ATRNL1: variants seen among roughly 807,000 people sequenced by gnomAD.
ATRNL1 encodes the protein attractin like 1.
Under a neutral mutation model 182.7 loss-of-function variants are expected in ATRNL1, and 95 were observed. The ratio of observed to expected loss-of-function variants is 0.52; its 90% confidence interval spans 0.44 to 0.62. The LOEUF is 0.62. Ranked by LOEUF, ATRNL1 falls within the 20% of genes least tolerant of loss-of-function variation. ATRNL1 has a pLI of 0.00. For missense variants in ATRNL1, 1,471 were observed against 1,679.5 expected (o/e 0.88, Z 2.17); for synonymous variants, 576 against 568.3 (o/e 1.01, Z -0.19).
At chr10:115,832,775 T>C (rs1425013214) in intron 27 of ATRNL1, among the ~76,000 whole-genome samples, 1 of 152,182 alleles carries the variant, frequency 6.6e-6, no homozygotes, top group African/African-American at 2.4e-5. Context: ...CTGTCCTTGC[T>C]TGCTTGCTTC....
intron 24 of ATRNL1, among the ~76,000 whole-genome samples, chr10:115,492,153 G>T (rs143328304): frequency 0.064 from 9,742 of 152,194 alleles, 422 homozygotes; most frequent in Admixed American, 0.09. Flanking sequence ...TGTCAATCTC[G>T]CTGGGAGCTG....
At chr10:115,114,964 A>ACC (rs2143568418) in intron 1 of ATRNL1, among the ~76,000 whole-genome samples, 1 of 152,264 alleles carries the variant, frequency 6.6e-6, no homozygotes, top group South Asian at 2.1e-4. Flanking sequence ...ATAATAGCCA[A>ACC]TATTGGGAAA....
chr10:115,126,351 C>T (rs782628777), intron 3 of ATRNL1, among the ~76,000 whole-genome samples: 64 of 152,212 alleles, frequency 4.2e-4, no homozygotes, highest in Non-Finnish European at 8.4e-4. Flanking sequence ...AGCCACTGCG[C>T]CTGGCCCAGA....
chr10:115,403,066 T>C (rs528643140), intron 20 of ATRNL1, among the ~76,000 whole-genome samples: 1 of 152,270 alleles, frequency 6.6e-6, no homozygotes, highest in Non-Finnish European at 1.5e-5. Context: ...TTCTCTATCT[T>C]GTTTTATCAA....
At chr10:115,794,364 A>G (rs1949601126) in intron 27 of ATRNL1, among the ~76,000 whole-genome samples, 1 of 152,198 alleles carries the variant, frequency 6.6e-6, no homozygotes, top group Non-Finnish European at 1.5e-5. Context: ...AGCCATCAAA[A>G]TGGAGAAATT....
At chr10:115,435,353 G>A (rs959360534) in intron 21 of ATRNL1, among the ~76,000 whole-genome samples, 7 of 152,114 alleles carry the variant, frequency 4.6e-5, no homozygotes, top group African/African-American at 1.7e-4. Context: ...AATTTGTGCT[G>A]TTATTGAAAG....
chr10:115,386,879 TG>T (rs1204033529), intron 19 of ATRNL1, among the ~76,000 whole-genome samples: 1 of 142,968 alleles, frequency 7.0e-6, no homozygotes, highest in Admixed American at 7.4e-5. Flanking sequence ...GTGTTCTCAT[TG>T]TTCAATTCCC....
At chr10:115,830,454 A>G (rs1464907079) in intron 27 of ATRNL1, among the ~76,000 whole-genome samples, 1 of 152,108 alleles carries the variant, frequency 6.6e-6, no homozygotes, top group Non-Finnish European at 1.5e-5. Flanking sequence ...CATTTATTGA[A>G]TGACTGTCTT....
chr10:115,093,651 A>G lies in ATRNL1; in HGVS notation c.-100A>G. 1 of 1,300,258 alleles carries G rather than the reference A, an allele frequency of 7.7e-7. No individual in the cohort carries two copies. The highest frequency in any genetic ancestry group is 1.3e-5 in the South Asian group (1 of 77,332). The allele number at this position is 1,300,258 out of a possible 1,614,324, so 80.5% of individuals were successfully genotyped here. On this transcript the variant is annotated 5_prime_UTR_variant, in exon 1 of 29. Coordinates refer to ENST00000355044, the MANE Select transcript of ATRNL1 (RefSeq NM_207303.4). The surrounding 1 kb of genome is among the most constrained non-coding windows in gnomAD (Gnocchi z 6.1). ...GACGGGCGCCGGTGAGGAGGAGGAG[A>G]AGCGGCGGCGGAGAGGTTTTCTGCG...
chr10:115,326,735 G>T (rs1854907767), intron 18 of ATRNL1, among the ~76,000 whole-genome samples: 2 of 151,912 alleles, frequency 1.3e-5, no homozygotes, highest in South Asian at 4.2e-4. Context: ...CCAAAACAGA[G>T]ATATAGATCA....
intron 9 of ATRNL1, among the ~76,000 whole-genome samples, chr10:115,239,467 C>T (rs1307643292): frequency 3.9e-5 from 6 of 152,000 alleles, no homozygotes; most frequent in East Asian, 1.9e-4. Context: ...CTCCTGACAT[C>T]GTGATTCGCC....
chr10:115,583,042 G>T (rs1855236543), intron 26 of ATRNL1, among the ~76,000 whole-genome samples: 1 of 149,196 alleles, frequency 6.7e-6, no homozygotes, highest in Non-Finnish European at 1.5e-5. Context: ...GTTTGTCAAA[G>T]ATCAGATAGT....
At chr10:115,294,845 T>C (rs994863803) in intron 15 of ATRNL1, among the ~76,000 whole-genome samples, 5 of 152,200 alleles carry the variant, frequency 3.3e-5, no homozygotes, top group African/African-American at 1.2e-4. Flanking sequence ...ATTAGTGACA[T>C]AGTAGTGACA....
At chr10:115,537,564 G>T (rs1055900578) in intron 25 of ATRNL1, among the ~76,000 whole-genome samples, 1 of 152,034 alleles carries the variant, frequency 6.6e-6, no homozygotes, top group Non-Finnish European at 1.5e-5. Context: ...TAACTCCACT[G>T]TTTAAAATCT....
At chr10:115,160,640 G>T (rs1846741241) in intron 6 of ATRNL1, among the ~76,000 whole-genome samples, 1 of 151,724 alleles carries the variant, frequency 6.6e-6, no homozygotes. Context: ...CTTTCATTGG[G>T]AGAACAGTTC....
chr10:115,169,206 C>CTTTTTTTTTT (rs781950574), intron 7 of ATRNL1, among the ~76,000 whole-genome samples: 1 of 125,978 alleles, frequency 7.9e-6, no homozygotes. Flanking sequence ...GTTTTGATTA[C>CTTTTTTTTTT]TTTTTTTTTT....
intron 20 of ATRNL1, among the ~76,000 whole-genome samples, chr10:115,414,897 G>A (rs1845315764): frequency 6.6e-6 from 1 of 151,862 alleles, no homozygotes; most frequent in South Asian, 2.1e-4. Flanking sequence ...GTTTAGAGAT[G>A]TATAGTATTC....
intron 9 of ATRNL1, among the ~76,000 whole-genome samples, chr10:115,240,632 ATAC>A (rs1355035567): frequency 2.6e-5 from 4 of 152,122 alleles, no homozygotes; most frequent in African/African-American, 9.7e-5. Flanking sequence ...TATACTAACT[ATAC>A]TTTACGTATT....
intron 19 of ATRNL1, among the ~76,000 whole-genome samples, chr10:115,341,511 T>C (rs1554938330): frequency 6.6e-6 from 1 of 152,204 alleles, no homozygotes; most frequent in Non-Finnish European, 1.5e-5. Flanking sequence ...TCTGTAACTA[T>C]CTGATAGATC....
Sources: gnomAD v4.1 joint callset for allele counts (sites outside exome capture counted in the v4.1 genomes callset) on GRCh38, gnomAD v4.1.1 for gene constraint, Gnocchi (gnomAD v3.1) non-coding constraint, MANE v1.5 for transcripts, NCBI Gene and HGNC (gene_info 2026-07-23, HGNC 2026-07-21) for gene names.